The following SPATA22 variants were observed in gnomAD, a reference collection of about 807,000 sequenced individuals.
SPATA22 encodes the protein spermatogenesis associated 22.
A neutral mutation model predicts 47.8 loss-of-function variants in SPATA22; 29 were observed. The ratio of observed to expected loss-of-function variants is 0.61; its 90% CI spans 0.45 to 0.83. The LOEUF (loss-of-function observed/expected upper bound fraction) is 0.83, where lower values mean the gene tolerates loss of function less well. Ranked by LOEUF, SPATA22 falls within the 40% of genes least tolerant of loss-of-function variation. The probability of loss-of-function intolerance (pLI) is 0.00; values close to 1 mark genes in which losing one functional copy is unlikely to be tolerated. For synonymous variants in SPATA22, 133 were observed against 140.9 expected (o/e 0.94, Z 0.40); for missense variants, 410 against 421.7 (o/e 0.97, Z 0.24).
intron 5 of SPATA22, among the ~76,000 whole-genome samples, chr17:3,454,168 T>C (rs1021244062): frequency 2.0e-5 from 3 of 148,136 alleles, no homozygotes; most frequent in African/African-American, 7.5e-5. Flanking sequence ...ATGACCAAGA[T>C]AGAGAAAGGT....
At chr17:3,444,452 A>T (rs2072672911) in intron 7 of SPATA22, among the ~76,000 whole-genome samples, 1 of 152,092 alleles carries the variant, frequency 6.6e-6, no homozygotes, top group African/African-American at 2.4e-5. Context: ...CAGAAGAAAA[A>T]TCTAAGAATA....
At chr17:3,483,871 T>C (rs2073676179) in intron 1 of SPATA22, among the ~76,000 whole-genome samples, 1 of 152,004 alleles carries the variant, frequency 6.6e-6, no homozygotes, top group South Asian at 2.1e-4. Context: ...TAGCCAGGGC[T>C]GGCCTCAAAC....
At chr17:3,475,699 G>A, upstream of SPATA22, 1 of 179,678 alleles carries the variant, frequency 5.6e-6, no homozygotes, top group Non-Finnish European at 1.2e-5. Flanking sequence ...GTTTTGAAAT[G>A]CCCGTGGAAA....
intron 1 of SPATA22, among the ~76,000 whole-genome samples, chr17:3,478,152 T>C (rs2073563638): frequency 6.6e-6 from 1 of 151,950 alleles, no homozygotes; most frequent in African/African-American, 2.4e-5. Context: ...GCCACTGCAC[T>C]CCAGCCTGGG....
intron 1 of SPATA22, among the ~76,000 whole-genome samples, chr17:3,487,451 A>G (rs1244117375): frequency 6.6e-6 from 1 of 152,328 alleles, no homozygotes; most frequent in African/African-American, 2.4e-5. Context: ...AGGGCCAAAC[A>G]TATCAGCAAT....
chr17:3,480,574 T>A (rs928344529), intron 1 of SPATA22, among the ~76,000 whole-genome samples: 1 of 152,156 alleles, frequency 6.6e-6, no homozygotes, highest in Non-Finnish European at 1.5e-5. Context: ...TGATCTTAGG[T>A]TTTACAATAG....
At chr17:3,496,791 G>A (rs546440363) in intron 1 of SPATA22, among the ~76,000 whole-genome samples, 3 of 152,344 alleles carry the variant, frequency 2.0e-5, no homozygotes, top group East Asian at 3.9e-4. Context: ...TCCTGGCCAG[G>A]AGCGGTGGCT....
chr17:3,478,693 A>G (rs1239574557), intron 1 of SPATA22, among the ~76,000 whole-genome samples: 1 of 152,196 alleles, frequency 6.6e-6, no homozygotes, highest in East Asian at 1.9e-4. Flanking sequence ...AACACTGTTC[A>G]GAGACTAGAC....
intron 1 of SPATA22, chr17:3,489,407 C>G: frequency 7.4e-7 from 1 of 1,353,952 alleles, no homozygotes; most frequent in East Asian, 2.3e-5. Flanking sequence ...CAATTGGAAC[C>G]TGGGTCAGAT....
At chr17:3,464,896 G>A (rs1385714879) in intron 3 of SPATA22, among the ~76,000 whole-genome samples, 14 of 98,156 alleles carry the variant, frequency 1.4e-4, no homozygotes, top group African/African-American at 4.1e-4. Context: ...GGTGGGGGGG[G>A]GTCAGCCCCC....
chr17:3,455,427 A>G (rs1220094862), intron 5 of SPATA22, among the ~76,000 whole-genome samples: 2 of 149,208 alleles, frequency 1.3e-5, no homozygotes, highest in African/African-American at 4.9e-5. Context: ...TTATGGTTTT[A>G]GGTCTAATGT....
intron 1 of SPATA22, chr17:3,502,070 T>C (rs2073997468): frequency 6.6e-6 from 1 of 152,238 alleles, no homozygotes; most frequent in Non-Finnish European, 1.5e-5. Flanking sequence ...GCGAACTTGT[T>C]GTTTTATTTT....
chr17:3,490,288 G>T lies in SPATA22; in HGVS notation c.-73-20890C>A, dbSNP rs1417785741. Among the ~76,000 whole-genome samples, 1 of 152,120 alleles carries T rather than the reference G, an allele frequency of 6.6e-6. No individual in the cohort carries two copies. The highest frequency in any genetic ancestry group is 1.5e-5 in the Non-Finnish European group (1 of 68,026). Reference sequence around the variant, plus strand: ...AAACGGGGACTGGTGGACAAGGTGGGTATATGCAGCTCTATGCACTATCTG... The same window carrying T: ...AAACGGGGACTGGTGGACAAGGTGGTTATATGCAGCTCTATGCACTATCTG... On this transcript the variant is annotated intron_variant, in intron 1 of 8. Coordinates refer to the SPATA22 transcript ENST00000541913. This position sits in a 1 kb window ranked among gnomAD's most constrained non-coding sequence, Gnocchi z 4.6.
upstream of SPATA22, chr17:3,476,082 A>T (rs1176188063): frequency 7.4e-7 from 1 of 1,353,114 alleles, no homozygotes; most frequent in Non-Finnish European, 1.0e-6. Flanking sequence ...TTACATTTCT[A>T]AACCTTTCTT....
upstream of SPATA22, chr17:3,476,364 C>A (rs2073522824): frequency 6.2e-7 from 1 of 1,614,088 alleles, no homozygotes; most frequent in East Asian, 2.2e-5. Context: ...TGACTGTGAC[C>A]TGAATCGCAT....
rs528972033 is a variant in SPATA22 at position 3,499,221 on chromosome 17, T to C, written c.-74+14191A>G. On this transcript the variant is annotated intron_variant, in intron 1 of 8. Coordinates refer to the SPATA22 transcript ENST00000541913. ...CACAGTGCCTTATTCGGTAGGCATCTAAGCACATTTCTTAAATTAATTAAT... is the reference window on the plus strand; with the variant it reads ...CACAGTGCCTTATTCGGTAGGCATCCAAGCACATTTCTTAAATTAATTAAT... The C allele has an allele frequency of 4.1e-5, 32 of 788,056 alleles. No homozygotes were observed. The Admixed American group carries it at 6.5e-4, about 16-fold the overall frequency. 48.8% of individuals were successfully genotyped at this position (788,056 alleles called of 1,614,324 possible).
At chr17:3,456,214 A>G (rs537911438) in intron 5 of SPATA22, among the ~76,000 whole-genome samples, 53 of 152,122 alleles carry the variant, frequency 3.5e-4, no homozygotes, top group African/African-American at 1.2e-3. Context: ...GAACTGAAGG[A>G]AATAGAGACA....
At chr17:3,501,025 T>C (rs1432572195) in intron 1 of SPATA22, 1 of 152,150 alleles carries the variant, frequency 6.6e-6, no homozygotes, top group Non-Finnish European at 1.5e-5. Context: ...CTGCTGGAGA[T>C]GTGCGAAGAG....
At chr17:3,446,664 A>G in intron 6 of SPATA22, 63 bp from the exon 7 acceptor site, 1 of 1,279,702 alleles carries the variant, frequency 7.8e-7, no homozygotes, top group Non-Finnish European at 1.1e-6. Flanking sequence ...ATACTCGTTT[A>G]CCTTCTACGT....
Sources: allele counts gnomAD v4.1 joint callset (sites outside exome capture counted in the v4.1 genomes callset), GRCh38; gene constraint gnomAD v4.1.1; non-coding constraint Gnocchi (gnomAD v3.1); transcripts MANE v1.5; gene names NCBI Gene and HGNC (gene_info 2026-07-23, HGNC 2026-07-21).